Variants in RASGEF1C observed in about 807,000 individuals in gnomAD.
RASGEF1C encodes the protein ras-GEF domain-containing family member 1C.
RASGEF1C carries 27 observed loss-of-function variants against 58.1 expected under a neutral mutation model. That is an observed-to-expected ratio of 0.46 (90% CI 0.34 to 0.64). The LOEUF is 0.64. Among genes scored for constraint, RASGEF1C ranks in the 30% least tolerant of loss-of-function variants. The probability of loss-of-function intolerance (pLI) is 0.01; values close to 1 mark genes in which losing one functional copy is unlikely to be tolerated. For synonymous variants in RASGEF1C, 243 were observed against 246.3 expected, an observed-to-expected ratio of 0.99 and a Z score of 0.13; for missense variants, 502 against 605.1, an observed-to-expected ratio of 0.83 and a Z score of 1.79.
In RASGEF1C at chr5:180,192,345, G is replaced by A. The variant is rs574075712; in HGVS notation, c.-7+16683C>T. Among the ~76,000 whole-genome samples, 477 of 152,122 alleles carry A rather than the reference G, an allele frequency of 3.1e-3. 2 individuals carry two copies. Among genetic ancestry groups the A allele is most frequent in the Non-Finnish European group, 5.1e-3 (346 of 67,976 alleles). On this transcript the variant is annotated intron_variant, in intron 1 of 13. Coordinates refer to ENST00000361132, the MANE Select transcript of RASGEF1C (RefSeq NM_175062.4). ...GGATACGTTCTAAACTAATCATGCC[G>A]GATGAAAGCGGAGGGACGGATGAGC...
chr5:180,196,744 T>C (rs1756286731), intron 1 of RASGEF1C, among the ~76,000 whole-genome samples: 1 of 152,194 alleles, frequency 6.6e-6, no homozygotes, highest in African/African-American at 2.4e-5. Context: ...TGCTTTCTCT[T>C]TTTTTGTCTT....
intron 4 of RASGEF1C, among the ~76,000 whole-genome samples, 178 bp from the exon 5 acceptor site, chr5:180,128,788 C>T (rs1766310765): frequency 6.6e-6 from 1 of 152,256 alleles, no homozygotes; most frequent in Non-Finnish European, 1.5e-5. Flanking sequence ...AGGACCCAAT[C>T]CCGGCCAGGG....
intron 1 of RASGEF1C, among the ~76,000 whole-genome samples, chr5:180,157,409 G>A (rs1766869239): frequency 6.6e-6 from 1 of 152,010 alleles, no homozygotes; most frequent in African/African-American, 2.4e-5. Context: ...ATCACCTGAG[G>A]TCGGGAGTTC....
At chr5:180,119,313 A>C (rs767263662) in intron 8 of RASGEF1C, 33 bp downstream of exon 8, 1 of 1,557,950 alleles carries the variant, frequency 6.4e-7, no homozygotes, top group Admixed American at 1.7e-5. Context: ...GGACCCGTGC[A>C]CTGGGGGCCA....
intron 1 of RASGEF1C, among the ~76,000 whole-genome samples, chr5:180,152,401 A>G (rs1177212013): frequency 6.6e-6 from 1 of 152,154 alleles, no homozygotes; most frequent in Non-Finnish European, 1.5e-5. Flanking sequence ...TGAAGAGTTC[A>G]TGTCTTTTGA....
chr5:180,184,005 T>G (rs946135538), intron 1 of RASGEF1C, among the ~76,000 whole-genome samples: 2 of 146,028 alleles, frequency 1.4e-5, no homozygotes, highest in Non-Finnish European at 3.0e-5. Flanking sequence ...AACTCCATCT[T>G]TACTAAAAAT....
intron 11 of RASGEF1C, among the ~76,000 whole-genome samples, chr5:180,113,501 TG>T (rs1766005292): frequency 3.1e-5 from 2 of 65,170 alleles, no homozygotes; most frequent in African/African-American, 1.2e-4. Context: ...GGACCGGGGA[TG>T]GACGGAGGGA....
chr5:180,125,508 C>T (rs185203319), intron 6 of RASGEF1C, among the ~76,000 whole-genome samples: 14 of 152,172 alleles, frequency 9.2e-5, no homozygotes, highest in African/African-American at 3.4e-4. Flanking sequence ...TCAGGCCGGG[C>T]GTGGTGGTTC....
chr5:180,208,354 C>T (rs770047291), intron 1 of RASGEF1C, among the ~76,000 whole-genome samples: 7 of 152,298 alleles, frequency 4.6e-5, no homozygotes, highest in Non-Finnish European at 1.0e-4. Context: ...CAGTTTCCCA[C>T]GCCCACGCTG....
intron 7 of RASGEF1C, among the ~76,000 whole-genome samples, chr5:180,119,962 C>A (rs989303962): frequency 2.6e-5 from 4 of 152,194 alleles, no homozygotes; most frequent in African/African-American, 9.6e-5. Flanking sequence ...CAGAACCACA[C>A]CATGTCCTTC....
chr5:180,142,548 C>T (rs1581105497), intron 1 of RASGEF1C, among the ~76,000 whole-genome samples: 3 of 152,152 alleles, frequency 2.0e-5, no homozygotes, highest in South Asian at 2.1e-4. Flanking sequence ...CGAACACTCT[C>T]GAGCAGCACA....
chr5:180,190,375 A>G lies in RASGEF1C; in HGVS notation c.-7+18653T>C, dbSNP rs957854019. 9.2e-5 allele frequency among the ~76,000 whole-genome samples: 14 copies of G among 151,370 alleles called. 2 individuals are homozygous for G. The Middle Eastern group carries it at 0.014, about 149-fold the overall frequency. On this transcript the variant is annotated intron_variant, in intron 1 of 13. Coordinates refer to ENST00000361132, the MANE Select transcript of RASGEF1C (RefSeq NM_175062.4). ...CGTGGTGGCGGGCGCCTGTAGTCCC[A>G]GCTACTCGGGAGGCTGAGGCAGGAG...
At chr5:180,103,218 C>G (rs867337471) in intron 12 of RASGEF1C, among the ~76,000 whole-genome samples, 27 of 152,280 alleles carry the variant, frequency 1.8e-4, no homozygotes, top group African/African-American at 5.1e-4. Context: ...GCTGGGACTA[C>G]AGGTACCCAC....
chr5:180,106,250 G>GC (rs1047541024), intron 12 of RASGEF1C, among the ~76,000 whole-genome samples: 9 of 152,166 alleles, frequency 5.9e-5, no homozygotes, highest in African/African-American at 2.2e-4. Flanking sequence ...CAAAGAACCA[G>GC]CCCTTTGATT....
chr5:180,133,343 CG>C, intron 4 of RASGEF1C, among the ~76,000 whole-genome samples: 1 of 152,216 alleles, frequency 6.6e-6, no homozygotes, highest in African/African-American at 2.4e-5. Context: ...TGGGAGTGGG[CG>C]GGGGAAAGAG....
rs1766498038 is a variant in RASGEF1C at position 180,137,235 on chromosome 5, C to T, written c.300+355G>A. Among the ~76,000 whole-genome samples, 2 of 152,168 alleles carry T rather than the reference C, an allele frequency of 1.3e-5. No individual in the cohort carries two copies. Among genetic ancestry groups the T allele is most frequent in the South Asian group, 4.1e-4 (2 of 4,828 alleles). On this transcript the variant is annotated intron_variant, in intron 3 of 13. Transcript: ENST00000361132. The surrounding 1 kb of genome is among the most constrained non-coding windows in gnomAD (Gnocchi z 4.1). ...CCGACGCGTGTGCAATAGAGGCAGC[C>T]CGCAGGACCCGGCCAGGACTGGGAA...
Position 180,101,367 on chromosome 5 carries a change from G to T in RASGEF1C, c.*134C>A. On this transcript the variant is annotated 3_prime_UTR_variant, in exon 14 of 14. Coordinates refer to ENST00000361132, the MANE Select transcript of RASGEF1C (RefSeq NM_175062.4). ...TGGCCACTGTGGGGGGGGGGGGGGC[G>T]GGCAGCAGGCCACAGGGTCGGCATT... is the stretch of plus-strand genomic sequence containing the variant. The T allele has an allele frequency of 1.1e-6, 1 of 915,220 alleles. No individual in the cohort carries two copies. The highest frequency in any genetic ancestry group is 1.6e-6 in the Non-Finnish European group (1 of 617,004). 56.7% of individuals were successfully genotyped at this position (915,220 alleles called of 1,614,324 possible).
In RASGEF1C at chr5:180,119,893, G is replaced by A. The variant is rs528452234; in HGVS notation, c.805-445C>T. ...TCCGCTCTCTCCATCTGACAACTGCGTGACTGGTAAACCCTTGTCTGTGGC... is the reference window on the plus strand; with the variant it reads ...TCCGCTCTCTCCATCTGACAACTGCATGACTGGTAAACCCTTGTCTGTGGC... On this transcript the variant is annotated intron_variant, in intron 7 of 13. Transcript: ENST00000361132. Among the ~76,000 whole-genome samples the A allele has an allele frequency of 1.4e-4, 22 of 152,314 alleles. No individual in the cohort carries two copies. In the South Asian group the frequency reaches 4.1e-3, roughly 29 times the overall value.
intron 1 of RASGEF1C, among the ~76,000 whole-genome samples, chr5:180,206,450 C>T (rs1274062186): frequency 6.6e-6 from 1 of 152,008 alleles, no homozygotes; most frequent in Non-Finnish European, 1.5e-5. Context: ...GCTCTCAAAC[C>T]AGCGAGGCTG....
Sources: allele counts gnomAD v4.1 joint callset (sites outside exome capture counted in the v4.1 genomes callset), GRCh38; gene constraint gnomAD v4.1.1; non-coding constraint Gnocchi (gnomAD v3.1); transcripts MANE v1.5; gene names NCBI Gene and HGNC (gene_info 2026-07-23, HGNC 2026-07-21).